The following C19orf47 variants were observed in gnomAD, a reference collection of about 807,000 sequenced individuals.
C19orf47 encodes chromosome 19 open reading frame 47.
C19orf47 carries 18 observed loss-of-function variants against 32.3 expected under a neutral mutation model. The observed-to-expected ratio is 0.56, with a 90% confidence interval of 0.39 to 0.83. The LOEUF (loss-of-function observed/expected upper bound fraction) is 0.83, where lower values mean the gene tolerates loss of function less well. Among genes scored for constraint, C19orf47 ranks in the 40% least tolerant of loss-of-function variants. The probability of loss-of-function intolerance (pLI) is 0.00; values close to 1 mark genes in which losing one functional copy is unlikely to be tolerated. For missense variants in C19orf47, 484 were observed against 531.6 expected (o/e 0.91, Z 0.88); for synonymous variants, 202 against 211.1 (o/e 0.96, Z 0.37).
chr19:40,321,733 C>A lies in C19orf47; in HGVS notation c.*149G>T, dbSNP rs1600162424. The A allele has an allele frequency of 1.4e-6, 2 of 1,429,596 alleles. No individual in the cohort carries two copies. Among genetic ancestry groups the A allele is most frequent in the East Asian group, 2.5e-5 (1 of 39,568 alleles). The allele number at this position is 1,429,596 out of a possible 1,614,324, so 88.6% of individuals were successfully genotyped here. A position where few individuals can be genotyped will look rare whatever the true frequency, so the allele number is the denominator to read the frequency against. On this transcript the variant is annotated 3_prime_UTR_variant, in exon 9 of 9. Transcript: ENST00000683109. ...CCCAGGCTAGGAGAAATGGGGTGATCCCCCGAATGCTCGGGCCTAGCTCTA... is the reference window on the plus strand; with the variant it reads ...CCCAGGCTAGGAGAAATGGGGTGATACCCCGAATGCTCGGGCCTAGCTCTA...
rs1053705323 is a variant in C19orf47 at position 40,339,164 on chromosome 19, C to T, written c.19+2675G>A. 2.6e-5 allele frequency: 4 copies of T among 153,048 alleles called. No individual in the cohort carries two copies. The East Asian group carries it at 7.7e-4, about 29-fold the overall frequency. The allele number at this position is 153,048 out of a possible 1,614,324, so 9.5% of individuals were successfully genotyped here. A position where few individuals can be genotyped will look rare whatever the true frequency, so the allele number is the denominator to read the frequency against. On this transcript the variant is annotated intron_variant, in intron 2 of 8. Coordinates refer to ENST00000683109, the MANE Select transcript of C19orf47 (RefSeq NM_001256441.2). ...GACCAATCAGTTCCTAGGGACCAGG[C>T]AAAGCCTGTGAATTTAACCAAGAGA...
At chr19:40,310,749 A>G in the C19orf47 span, among the ~76,000 whole-genome samples, 73 of 152,348 alleles carry the variant, frequency 4.8e-4, no homozygotes, top group Non-Finnish European at 8.4e-4. Flanking sequence ...GTAAGAAAAT[A>G]TAATTATGTT....
chr19:40,299,824 A>G, the C19orf47 span, among the ~76,000 whole-genome samples: 1 of 152,016 alleles, frequency 6.6e-6, no homozygotes, highest in Non-Finnish European at 1.5e-5. Flanking sequence ...TCAGGAGTTT[A>G]AGACCAGCCT....
rs939658591 is a variant in C19orf47, at chr19:40,321,400, G to A, written c.*482C>T. On this transcript the variant is annotated 3_prime_UTR_variant, in exon 9 of 9. Coordinates refer to ENST00000683109, the MANE Select transcript of C19orf47 (RefSeq NM_001256441.2). ...AGAGAAATGAACAAAGTGAAGACAG[G>A]GAGAGAGAGAAGTCACAGCAGTGGG... The A allele has an allele frequency of 1.0e-6, 1 of 993,476 alleles. No individual in the cohort carries two copies. The highest frequency in any genetic ancestry group is 1.2e-6 in the Non-Finnish European group (1 of 834,870). 61.5% of individuals were successfully genotyped at this position (993,476 alleles called of 1,614,324 possible).
intron 2 of C19orf47, among the ~76,000 whole-genome samples, chr19:40,339,902 G>A (rs1354675277): frequency 6.6e-6 from 1 of 150,748 alleles, no homozygotes; most frequent in East Asian, 2.0e-4. Context: ...TTGAACCCAG[G>A]AGGCAGAGGT....
At chr19:40,341,583 G>A (rs1046664742) in intron 2 of C19orf47, among the ~76,000 whole-genome samples, 1 of 152,134 alleles carries the variant, frequency 6.6e-6, no homozygotes, top group Admixed American at 6.6e-5. Flanking sequence ...AAGGCTCTGT[G>A]AGGCCACGTG....
intron 1 of C19orf47, among the ~76,000 whole-genome samples, chr19:40,344,852 C>G (rs890271648): frequency 6.6e-6 from 1 of 152,158 alleles, no homozygotes; most frequent in Non-Finnish European, 1.5e-5. Context: ...CTCACAACCA[C>G]CCTCGGAAAG....
the C19orf47 span, among the ~76,000 whole-genome samples, chr19:40,300,578 A>T: frequency 9.2e-5 from 14 of 152,216 alleles, no homozygotes; most frequent in Non-Finnish European, 2.9e-5. Flanking sequence ...TGTTAACATG[A>T]TATATGCCAC....
At chr19:40,344,670 G>A (rs548913951) in intron 1 of C19orf47, among the ~76,000 whole-genome samples, 1 of 152,142 alleles carries the variant, frequency 6.6e-6, no homozygotes, top group Admixed American at 6.5e-5. Flanking sequence ...TGTTTTTATC[G>A]ATGAAAAACC....
At chr19:40,324,135 T>C in intron 7 of C19orf47, 59 bp from the exon 8 acceptor site, 2 of 1,560,084 alleles carry the variant, frequency 1.3e-6, no homozygotes, top group Non-Finnish European at 1.8e-6. Flanking sequence ...TAGGCTGAGC[T>C]CTGTACAGAC....
chr19:40,307,899 G>C, the C19orf47 span, among the ~76,000 whole-genome samples: 1 of 151,458 alleles, frequency 6.6e-6, no homozygotes, highest in Non-Finnish European at 1.5e-5. Context: ...CCGGGTTCAA[G>C]CAATTCTCCT....
Position 40,341,906 on chromosome 19 carries a change from G to C in C19orf47, c.-33-16C>G. The C allele has an allele frequency of 6.5e-7, 1 of 1,536,222 alleles. No individual in the cohort carries two copies. The highest frequency in any genetic ancestry group is 8.7e-7 in the Non-Finnish European group (1 of 1,146,874). ...TCCCTGGAGCCTGAAAGAGAAGAGA[G>C]GAGAGAGCCCATGAGCTGCTGCCGG... On this transcript the variant is annotated splice_polypyrimidine_tract_variant and intron_variant, in intron 1 of 8. Coordinates refer to ENST00000683109, the MANE Select transcript of C19orf47 (RefSeq NM_001256441.2).
At chr19:40,342,042 G>C in intron 1 of C19orf47, 152 bp from the exon 2 acceptor site, 1 of 985,444 alleles carries the variant, frequency 1.0e-6, no homozygotes, top group Non-Finnish European at 1.2e-6. Flanking sequence ...CAGGAAGTCA[G>C]CCTGGGACAG....
At chr19:40,335,660 A>G (rs1486430962) in intron 4 of C19orf47, among the ~76,000 whole-genome samples, 1 of 147,870 alleles carries the variant, frequency 6.8e-6, no homozygotes, top group African/African-American at 2.5e-5. Flanking sequence ...CCCAGGCTGG[A>G]GTGCAGTGGT....
the C19orf47 span, among the ~76,000 whole-genome samples, chr19:40,296,831 T>C: frequency 6.6e-6 from 1 of 151,968 alleles, no homozygotes; most frequent in African/African-American, 2.4e-5. Flanking sequence ...AGAGAATTGC[T>C]TGAACCCAGG....
chr19:40,344,625 C>T (rs1332140124), intron 1 of C19orf47, among the ~76,000 whole-genome samples: 1 of 152,140 alleles, frequency 6.6e-6, no homozygotes, highest in Non-Finnish European at 1.5e-5. Context: ...CAGATGCATC[C>T]CAACAGCTCA....
At chr19:40,303,601 G>A in the C19orf47 span, among the ~76,000 whole-genome samples, 1 of 150,926 alleles carries the variant, frequency 6.6e-6, no homozygotes, top group Non-Finnish European at 1.5e-5. Context: ...CAAGGTCATC[G>A]AGACCATCCT....
intron 2 of C19orf47, among the ~76,000 whole-genome samples, chr19:40,340,474 A>G (rs1341246111): frequency 6.8e-6 from 1 of 146,776 alleles, no homozygotes; most frequent in Admixed American, 6.8e-5. Flanking sequence ...CGAGGTCAAG[A>G]GATCGAGACC....
chr19:40,298,820 A>G, the C19orf47 span, among the ~76,000 whole-genome samples: 6 of 152,202 alleles, frequency 3.9e-5, no homozygotes, highest in Non-Finnish European at 8.8e-5. Flanking sequence ...TTGTTGCAGA[A>G]TAAAGGAAGG....
Sources: gnomAD v4.1 joint callset for allele counts (sites outside exome capture counted in the v4.1 genomes callset) on GRCh38, gnomAD v4.1.1 for gene constraint, MANE v1.5 for transcripts, NCBI Gene and HGNC (gene_info 2026-07-23, HGNC 2026-07-21) for gene names.